ARK2N: variants seen among roughly 807,000 people sequenced by gnomAD.
The protein encoded by ARK2N is arkadia (RNF111) N-terminal like PKA signaling regulator 2N, also known as protein ARK2N.
At chr18:46,184,525 C>T in the ARK2N span, among the ~76,000 whole-genome samples, 289 of 152,206 alleles carry the variant, frequency 1.9e-3, 2 homozygotes, top group Middle Eastern at 0.02. Flanking sequence ...AGTTTGAGAC[C>T]AGACTGGGTA....
chr18:46,197,340 T>C, the ARK2N span, among the ~76,000 whole-genome samples: 1 of 151,966 alleles, frequency 6.6e-6, no homozygotes, highest in Admixed American at 6.6e-5. Context: ...GTTCAAGCGA[T>C]TGTCCTGCCT....
chr18:46,217,821 A>G, the ARK2N span: 4 of 152,150 alleles, frequency 2.6e-5, no homozygotes, highest in African/African-American at 9.7e-5. Flanking sequence ...GTTCCTTGTA[A>G]TAAAACTACC....
the ARK2N span, among the ~76,000 whole-genome samples, chr18:46,252,929 C>T: frequency 2.6e-3 from 392 of 152,266 alleles, 1 homozygote; most frequent in Admixed American, 6.1e-3. Context: ...TCATATAATA[C>T]GTGCTTTGGG....
At chr18:46,181,321 G>T in the ARK2N span, among the ~76,000 whole-genome samples, 2,646 of 152,092 alleles carry the variant, frequency 0.017, 72 homozygotes, top group African/African-American at 0.06. Flanking sequence ...AAATACATTT[G>T]CTTGTAATTC....
At chr18:46,245,312 A>G in the ARK2N span, among the ~76,000 whole-genome samples, 40 of 152,150 alleles carry the variant, frequency 2.6e-4, no homozygotes, top group African/African-American at 7.0e-4. Context: ...TCACGCCTAT[A>G]ATCCTGGCAT....
the ARK2N span, among the ~76,000 whole-genome samples, chr18:46,229,437 T>C: frequency 6.6e-6 from 1 of 151,836 alleles, no homozygotes; most frequent in East Asian, 1.9e-4. Context: ...AAGCTCCGTC[T>C]CCCGGGTTCA....
chr18:46,198,906 C>G, the ARK2N span, among the ~76,000 whole-genome samples: 1 of 152,206 alleles, frequency 6.6e-6, no homozygotes, highest in African/African-American at 2.4e-5. Context: ...CTTTTTCCTT[C>G]TTAAAAATGG....
At chr18:46,190,082 A>G in the ARK2N span, among the ~76,000 whole-genome samples, 1 of 152,234 alleles carries the variant, frequency 6.6e-6, no homozygotes, top group Admixed American at 6.5e-5. Flanking sequence ...TTCTTTTCTT[A>G]GAAATCAGGA....
the ARK2N span, among the ~76,000 whole-genome samples, chr18:46,195,547 A>G: frequency 7.2e-6 from 1 of 139,628 alleles, no homozygotes; most frequent in African/African-American, 2.8e-5. Flanking sequence ...CACGCCTTGC[A>G]TCCCACATAA....
chr18:46,219,661 G>A, the ARK2N span, among the ~76,000 whole-genome samples: 1 of 151,694 alleles, frequency 6.6e-6, no homozygotes, highest in Non-Finnish European at 1.5e-5. Context: ...TAGTAGAGAC[G>A]GGGTTTCACC....
the ARK2N span, among the ~76,000 whole-genome samples, chr18:46,182,367 A>G: frequency 2.9e-4 from 44 of 152,282 alleles, no homozygotes; most frequent in African/African-American, 9.9e-4. Flanking sequence ...AGTTCCTGGC[A>G]TGTGGTTATC....
At chr18:46,184,063 T>C in the ARK2N span, among the ~76,000 whole-genome samples, 1 of 152,122 alleles carries the variant, frequency 6.6e-6, no homozygotes, top group Admixed American at 6.6e-5. Flanking sequence ...TGATCTCAGC[T>C]ACTTGCAACC....
the ARK2N span, chr18:46,262,977 G>C: frequency 1.2e-6 from 2 of 1,614,164 alleles, no homozygotes; most frequent in Non-Finnish European, 1.7e-6. Context: ...CTTCATGGAA[G>C]CATGGCTCGG....
the ARK2N span, among the ~76,000 whole-genome samples, chr18:46,224,545 C>T: frequency 6.6e-6 from 1 of 152,222 alleles, no homozygotes; most frequent in South Asian, 2.1e-4. Flanking sequence ...TTAAAATCAC[C>T]TGGGGAGCTT....
At chr18:46,217,956 T>G in the ARK2N span, 1 of 152,268 alleles carries the variant, frequency 6.6e-6, no homozygotes, top group East Asian at 1.9e-4. Flanking sequence ...TAAAAAAACC[T>G]TATTAATACC....
the ARK2N span, among the ~76,000 whole-genome samples, chr18:46,209,411 C>T: frequency 6.6e-6 from 1 of 151,546 alleles, no homozygotes; most frequent in African/African-American, 2.4e-5. Flanking sequence ...CAGATTTTCA[C>T]AAGTAGCCTC....
chr18:46,244,936 T>TTTG, the ARK2N span, among the ~76,000 whole-genome samples: 320 of 151,874 alleles, frequency 2.1e-3, no homozygotes, highest in African/African-American at 7.4e-3. Flanking sequence ...TTCACTCTTT[T>TTTG]TTGTTGTTGT....
At chr18:46,206,366 G>A in the ARK2N span, among the ~76,000 whole-genome samples, 20 of 152,020 alleles carry the variant, frequency 1.3e-4, no homozygotes, top group African/African-American at 4.6e-4. Flanking sequence ...GATTATAGGG[G>A]TGAGCCACTG....
At chr18:46,227,388 T>C in the ARK2N span, among the ~76,000 whole-genome samples, 1 of 152,200 alleles carries the variant, frequency 6.6e-6, no homozygotes, top group Non-Finnish European at 1.5e-5. Context: ...TTACCAGTAA[T>C]AGACTGAACC....
Sources: allele counts gnomAD v4.1 joint callset (sites outside exome capture counted in the v4.1 genomes callset), GRCh38; gene constraint gnomAD v4.1.1; transcripts MANE v1.5; gene names NCBI Gene and HGNC (gene_info 2026-07-23, HGNC 2026-07-21).